The following CD8B2 variants were observed in gnomAD, a reference collection of about 807,000 sequenced individuals.
CD8B2 encodes the protein T-cell surface glycoprotein CD8 beta-2 chain.
Under a neutral mutation model 23.7 loss-of-function variants are expected in CD8B2, and 11 were observed. That is an observed-to-expected ratio of 0.46 (90% CI 0.29 to 0.77). The LOEUF (loss-of-function observed/expected upper bound fraction) is 0.77, where lower values mean the gene tolerates loss of function less well. CD8B2 is among the 30% of genes least tolerant of loss of function. The pLI, the probability that CD8B2 is intolerant of heterozygous loss-of-function variation, is 0.09. For synonymous variants in CD8B2, 90 were observed against 109.3 expected (o/e 0.82, Z 1.10); for missense variants, 197 against 270.5 (o/e 0.73, Z 1.91).
At chr2:106,518,080 A>G (rs1248142027) in intron 5 of CD8B2, among the ~76,000 whole-genome samples, 1 of 152,178 alleles carries the variant, frequency 6.6e-6, no homozygotes, top group Non-Finnish European at 1.5e-5. Flanking sequence ...TTCCTGGGCC[A>G]TAGGGATGAG....
chr2:106,494,513 A>G (rs1419360944), intron 2 of CD8B2, among the ~76,000 whole-genome samples: 1 of 149,388 alleles, frequency 6.7e-6, no homozygotes, highest in Non-Finnish European at 1.5e-5. Flanking sequence ...GTTTAGGTTC[A>G]TGGTGTCTCC....
chr2:106,539,974 T>C (rs968993259), intron 5 of CD8B2, among the ~76,000 whole-genome samples: 1 of 152,246 alleles, frequency 6.6e-6, no homozygotes, highest in Non-Finnish European at 1.5e-5. Context: ...TTTATTGTTA[T>C]TCTTGTTTAC....
intron 1 of CD8B2, among the ~76,000 whole-genome samples, chr2:106,489,137 G>A (rs1397246377): frequency 5.8e-5 from 7 of 121,224 alleles, no homozygotes; most frequent in Admixed American, 1.8e-4. Flanking sequence ...CTAGTAGCTG[G>A]GATTAGAGGC....
chr2:106,532,431 T>C (rs1269318147), intron 5 of CD8B2, among the ~76,000 whole-genome samples: 3 of 152,214 alleles, frequency 2.0e-5, no homozygotes, highest in Non-Finnish European at 2.9e-5. Context: ...AGAGGACTTT[T>C]GGATCTTGCT....
At chr2:106,517,088 T>A (rs115372239) in intron 5 of CD8B2, among the ~76,000 whole-genome samples, 21,703 of 150,630 alleles carry the variant, frequency 0.14, 1,840 homozygotes, top group South Asian at 0.22. Flanking sequence ...TATTTATTAA[T>A]TTTAATATTC....
rs1305778567 is a variant in CD8B2, at chr2:106,508,711, G to A, written c.*1771G>A. The stretch of plus-strand genomic sequence containing the variant: ...CGGCTACCCCTTAATCTGGGTGAAG[G>A]ATTTGGTCCATGGCTAATGAAAGGC... On this transcript the variant is annotated 3_prime_UTR_variant, in exon 6 of 6. Coordinates refer to ENST00000643224, the MANE Select transcript of CD8B2 (RefSeq NM_001349727.2). 2 of 152,204 alleles carry A rather than the reference G, an allele frequency of 1.3e-5. No individual in the cohort carries two copies. The highest frequency in any genetic ancestry group is 2.9e-5 in the Non-Finnish European group (2 of 68,050). The allele number at this position is 152,204 out of a possible 1,614,324, so 9.4% of individuals were successfully genotyped here. A position where few individuals can be genotyped will look rare whatever the true frequency, so the allele number is the denominator to read the frequency against.
rs372538948 is a variant in CD8B2, at chr2:106,533,112, C to T, written c.621-10880C>T. Among the ~76,000 whole-genome samples, 6 of 152,162 alleles carry T rather than the reference C, an allele frequency of 3.9e-5. No individual in the cohort carries two copies. The East Asian group carries it at 9.6e-4, about 24-fold the overall frequency. ...CTTAATTGTTCTCCAAGATGTGAAGCAGGCCCATGCTGGGGGTCGAGGCAA... is the reference window on the plus strand; with the variant it reads ...CTTAATTGTTCTCCAAGATGTGAAGTAGGCCCATGCTGGGGGTCGAGGCAA... On this transcript the variant is annotated intron_variant, in intron 5 of 5. Coordinates refer to the CD8B2 transcript ENST00000416057.
chr2:106,489,466 G>T (rs554454634), intron 1 of CD8B2, among the ~76,000 whole-genome samples: 19 of 152,152 alleles, frequency 1.2e-4, no homozygotes, highest in African/African-American at 4.1e-4. Flanking sequence ...CAGTAAGCTG[G>T]CTCCTCTTGG....
chr2:106,490,682 G>A (rs1192010767), intron 1 of CD8B2, among the ~76,000 whole-genome samples, 192 bp from the exon 2 acceptor site: 2 of 152,244 alleles, frequency 1.3e-5, no homozygotes, highest in Non-Finnish European at 2.9e-5. Context: ...CCTTCCAGAT[G>A]ATCTCCTGGG....
In CD8B2 at chr2:106,507,279, C is replaced by G. The variant is rs1558879396; in HGVS notation, c.*339C>G. On this transcript the variant is annotated 3_prime_UTR_variant, in exon 6 of 6. Transcript: ENST00000643224. ...TTAGTGGTGGCCGTTTAGCCACCAT[C>G]TTTGCAAGTTGCTTTGCCCTGGTAG... 9.0e-7 allele frequency: 1 copy of G among 1,109,504 alleles called. No individual in the cohort carries two copies. The allele number at this position is 1,109,504 out of a possible 1,614,324, so 68.7% of individuals were successfully genotyped here.
chr2:106,515,046 T>A (rs1251093956), downstream of CD8B2, among the ~76,000 whole-genome samples: 1 of 152,168 alleles, frequency 6.6e-6, no homozygotes, highest in African/African-American at 2.4e-5. Context: ...AGTCTGCCTC[T>A]CCCAGTCCAC....
chr2:106,517,700 G>GTT (rs1316020730), intron 5 of CD8B2, among the ~76,000 whole-genome samples: 45 of 136,516 alleles, frequency 3.3e-4, no homozygotes, highest in African/African-American at 1.2e-3. Flanking sequence ...TATAGCTTCT[G>GTT]TTTTTTTTTT....
At chr2:106,529,132 A>G (rs1325675758) in intron 5 of CD8B2, among the ~76,000 whole-genome samples, 1 of 152,220 alleles carries the variant, frequency 6.6e-6, no homozygotes, top group African/African-American at 2.4e-5. Context: ...TTTGCTCTCC[A>G]GTGATTCTAC....
chr2:106,501,252 A>G (rs1679399387), intron 3 of CD8B2, among the ~76,000 whole-genome samples: 2 of 152,218 alleles, frequency 1.3e-5, no homozygotes, highest in African/African-American at 4.8e-5. Flanking sequence ...CTCATGGTAC[A>G]TCCATGCTGT....
chr2:106,528,414 T>C (rs1054456983), intron 5 of CD8B2, among the ~76,000 whole-genome samples: 1 of 152,224 alleles, frequency 6.6e-6, no homozygotes, highest in Non-Finnish European at 1.5e-5. Context: ...GTTAGTTCTA[T>C]ATCTACTTGG....
At chr2:106,487,536 T>A in intron 1 of CD8B2, 67 bp downstream of exon 1, 1 of 949,422 alleles carries the variant, frequency 1.1e-6, no homozygotes, top group Non-Finnish European at 1.4e-6. Context: ...AGGTGATACG[T>A]GGCTGTCCTG....
chr2:106,533,568 C>T lies in CD8B2; in HGVS notation c.621-10424C>T, dbSNP rs903308532. On this transcript the variant is annotated intron_variant, in intron 5 of 5. Coordinates refer to the CD8B2 transcript ENST00000416057. ...AGCTGTAGCTGTTTATCCTGTCCAT[C>T]CCCTCCTTACTGCACAGCTAAAACA... is the stretch of plus-strand genomic sequence containing the variant. Among the ~76,000 whole-genome samples, 4 of 152,104 alleles carry T rather than the reference C, an allele frequency of 2.6e-5. No homozygotes were observed. The East Asian group carries it at 7.7e-4, about 29-fold the overall frequency.
At chr2:106,538,623 C>T (rs186574640) in intron 5 of CD8B2, among the ~76,000 whole-genome samples, 145 of 152,258 alleles carry the variant, frequency 9.5e-4, no homozygotes, top group African/African-American at 3.4e-3. Flanking sequence ...CTGTCTGTAA[C>T]ACCCTTCCCC....
intron 5 of CD8B2, among the ~76,000 whole-genome samples, chr2:106,518,053 A>G (rs1679763480): frequency 6.6e-6 from 1 of 152,140 alleles, no homozygotes; most frequent in African/African-American, 2.4e-5. Flanking sequence ...CACTGTAACA[A>G]TACTGAGGCT....
Sources: allele counts gnomAD v4.1 joint callset (sites outside exome capture counted in the v4.1 genomes callset), GRCh38; gene constraint gnomAD v4.1.1; transcripts MANE v1.5; gene names NCBI Gene and HGNC (gene_info 2026-07-23, HGNC 2026-07-21).